NT5M: variants seen among roughly 807,000 people sequenced by gnomAD.
NT5M encodes the protein 5',3'-nucleotidase, mitochondrial, also known as 5'(3')-deoxyribonucleotidase, mitochondrial.
A neutral mutation model predicts 22.2 loss-of-function variants in NT5M; 22 were observed. The ratio of observed to expected loss-of-function variants is 0.99; its 90% CI spans 0.71 to 1.41. NT5M has a LOEUF of 1.41. Ranked by LOEUF, NT5M falls within the 40% of genes most tolerant of loss-of-function variation. The pLI is 0.00. For synonymous variants in NT5M, 167 were observed against 133.0 expected (o/e 1.26, Z -1.76); for missense variants, 322 against 314.8 (o/e 1.02, Z -0.17).
intron 4 of NT5M, chr17:17,345,112 G>A: frequency 6.8e-6 from 4 of 592,306 alleles, no homozygotes; most frequent in Non-Finnish European, 8.5e-6. Flanking sequence ...AGGAGTGGGT[G>A]CCAGCTCTAG....
At chr17:17,328,869 T>A (rs2049315651) in intron 3 of NT5M, among the ~76,000 whole-genome samples, 1 of 152,214 alleles carries the variant, frequency 6.6e-6, no homozygotes. Flanking sequence ...AAACCCAGAT[T>A]GCTCGGTAAT....
chr17:17,303,442 C>A lies in NT5M; in HGVS notation c.-109C>A. Reference sequence around the variant, plus strand: ...CCCGCTCCCCGTCCCGCGCTCCACGCGCGCCCCAGCGTTGGGGGCTTCTCC... The same window carrying A: ...CCCGCTCCCCGTCCCGCGCTCCACGAGCGCCCCAGCGTTGGGGGCTTCTCC... On this transcript the variant is annotated 5_prime_UTR_variant, in exon 1 of 5. Transcript: ENST00000389022. 1.0e-6 allele frequency: 1 copy of A among 997,384 alleles called. No homozygotes were observed. 61.8% of individuals were successfully genotyped at this position (997,384 alleles called of 1,614,324 possible). A position where few individuals can be genotyped will look rare whatever the true frequency, so the allele number is the denominator to read the frequency against.
rs542990036 is a variant in NT5M at position 17,318,600 on chromosome 17, A to G, written c.369-4585A>G. Among the ~76,000 whole-genome samples the G allele has an allele frequency of 3.3e-4, 50 of 151,598 alleles. No homozygotes were observed. The South Asian group carries it at 4.6e-3, about 14-fold the overall frequency. Reference sequence around the variant, plus strand: ...CCGGAGTTTGAGACCAGCCTTACCAACATGGAGAAACTCTGTCTCTACTAA... The same window carrying G: ...CCGGAGTTTGAGACCAGCCTTACCAGCATGGAGAAACTCTGTCTCTACTAA... On this transcript the variant is annotated intron_variant, in intron 2 of 4. Coordinates refer to ENST00000389022, the MANE Select transcript of NT5M (RefSeq NM_020201.4).
intron 3 of NT5M, among the ~76,000 whole-genome samples, chr17:17,341,578 A>G (rs974197859): frequency 6.6e-6 from 1 of 152,120 alleles, no homozygotes; most frequent in Non-Finnish European, 1.5e-5. Flanking sequence ...TCCCTGTGTC[A>G]CCACACAGGG....
rs1441325678 is a variant in NT5M at position 17,327,076 on chromosome 17, T to C, written c.429+3831T>C. 4.4e-4 allele frequency among the ~76,000 whole-genome samples: 16 copies of C among 36,764 alleles called. 1 individual carries two copies. The Middle Eastern group carries it at 0.052, about 119-fold the overall frequency. The allele number at this position is 36,764 out of a possible 152,430, so 24.1% of individuals were successfully genotyped here. On this transcript the variant is annotated intron_variant, in intron 3 of 4. Transcript: ENST00000389022. The stretch of plus-strand genomic sequence containing the variant: ...ACAGGTGTGCGCCACCACACCCGGC[T>C]AATTTTTTTTTGTATTTTTAGTAGA...
chr17:17,314,523 C>T (rs1287402793), intron 2 of NT5M, among the ~76,000 whole-genome samples: 1 of 152,164 alleles, frequency 6.6e-6, no homozygotes, highest in Non-Finnish European at 1.5e-5. Flanking sequence ...AATTGATATG[C>T]TCCACCCAGC....
chr17:17,333,396 T>G (rs1158364102), intron 3 of NT5M: 1 of 152,138 alleles, frequency 6.6e-6, no homozygotes, highest in Non-Finnish European at 1.5e-5. Context: ...TGTGACCCCC[T>G]GGGCTGAAGT....
intron 1 of NT5M, among the ~76,000 whole-genome samples, chr17:17,306,041 T>C (rs1353445501): frequency 6.6e-6 from 1 of 152,004 alleles, no homozygotes; most frequent in Non-Finnish European, 1.5e-5. Flanking sequence ...AAAGCAGAGC[T>C]CTTCTGGTTA....
chr17:17,342,726 T>A (rs2049671568), intron 3 of NT5M, among the ~76,000 whole-genome samples: 1 of 152,204 alleles, frequency 6.6e-6, no homozygotes, highest in South Asian at 2.1e-4. Context: ...GCCAGCCGCC[T>A]TGTCAGTCGG....
intron 2 of NT5M, among the ~76,000 whole-genome samples, chr17:17,322,965 G>A (rs943199230): frequency 6.6e-6 from 1 of 152,226 alleles, no homozygotes; most frequent in Admixed American, 6.5e-5. Context: ...CCAGCCCAGA[G>A]CTGGCTGCCT....
At chr17:17,324,439 G>A (rs759765710) in intron 3 of NT5M, among the ~76,000 whole-genome samples, 2 of 150,920 alleles carry the variant, frequency 1.3e-5, no homozygotes, top group Non-Finnish European at 3.0e-5. Flanking sequence ...AGCCAAGATC[G>A]TGCCACTGCA....
chr17:17,345,680 G>T (rs182184378), intron 4 of NT5M, among the ~76,000 whole-genome samples: 1 of 151,298 alleles, frequency 6.6e-6, no homozygotes, highest in Non-Finnish European at 1.5e-5. Flanking sequence ...TCATCATGGC[G>T]CATGCCTGTG....
chr17:17,305,896 A>G (rs968586942), intron 1 of NT5M, among the ~76,000 whole-genome samples: 1 of 152,018 alleles, frequency 6.6e-6, no homozygotes, highest in Non-Finnish European at 1.5e-5. Flanking sequence ...CATCAGGTGG[A>G]TCTCTTCCCC....
intron 4 of NT5M, 134 bp from the exon 5 acceptor site, chr17:17,346,671 C>A: frequency 9.9e-7 from 1 of 1,010,314 alleles, no homozygotes; most frequent in Admixed American, 2.4e-5. Context: ...GGCGGGTGTG[C>A]GTGCAGTCAC....
intron 2 of NT5M, among the ~76,000 whole-genome samples, chr17:17,321,156 G>A (rs1021806498): frequency 2.0e-5 from 3 of 151,962 alleles, no homozygotes; most frequent in East Asian, 3.9e-4. Flanking sequence ...GATAGCAAGC[G>A]GGCATTCGGG....
chr17:17,344,927 G>C lies in NT5M; in HGVS notation c.544+19G>C. The C allele has an allele frequency of 6.2e-7, 1 of 1,613,942 alleles. No homozygotes were observed. The highest frequency in any genetic ancestry group is 8.5e-7 in the Non-Finnish European group (1 of 1,179,974). On this transcript the variant is annotated intron_variant, in intron 4 of 4. Coordinates refer to ENST00000389022, the MANE Select transcript of NT5M (RefSeq NM_020201.4). ...ATCACAGGCAAGTGGCCTGCGACAG[G>C]TGAGGAGCACGTGGGGAGGGCCCCA...
chr17:17,309,543 G>A (rs2048880224), intron 2 of NT5M, among the ~76,000 whole-genome samples: 1 of 152,190 alleles, frequency 6.6e-6, no homozygotes, highest in Non-Finnish European at 1.5e-5. Flanking sequence ...AGCATCATAT[G>A]AAGGTTTCAG....
At chr17:17,320,756 G>A (rs2049134226) in intron 2 of NT5M, among the ~76,000 whole-genome samples, 1 of 152,196 alleles carries the variant, frequency 6.6e-6, no homozygotes, top group African/African-American at 2.4e-5. Flanking sequence ...GTCAGGAGAG[G>A]AGTAGACGGG....
chr17:17,304,414 G>C, intron 1 of NT5M: 2 of 985,428 alleles, frequency 2.0e-6, no homozygotes, highest in Non-Finnish European at 2.4e-6. Flanking sequence ...CGACTCCCGA[G>C]GTGTTCTGTC....
Sources: gnomAD v4.1 joint callset for allele counts (sites outside exome capture counted in the v4.1 genomes callset) on GRCh38, gnomAD v4.1.1 for gene constraint, MANE v1.5 for transcripts, NCBI Gene and HGNC (gene_info 2026-07-23, HGNC 2026-07-21) for gene names.